Variants in MAST3 observed in about 807,000 individuals in gnomAD.
MAST3 encodes the protein microtubule-associated serine/threonine-protein kinase 3.
In MAST3, 43 loss-of-function variants were observed where a neutral mutation model predicts 127.0. That is an observed-to-expected ratio of 0.34 (90% CI 0.27 to 0.44). The LOEUF (loss-of-function observed/expected upper bound fraction) is 0.44, where lower values mean the gene tolerates loss of function less well. Among genes scored for constraint, MAST3 ranks in the 20% least tolerant of loss-of-function variants. MAST3 has a pLI of 1.00. For synonymous variants in MAST3, 785 were observed against 809.2 expected (o/e 0.97, Z 0.51); for missense variants, 1,390 against 1,919.1 (o/e 0.72, Z 5.15).
At chr19:18,117,262 A>C (rs2039376517) in intron 3 of MAST3, among the ~76,000 whole-genome samples, 1 of 152,228 alleles carries the variant, frequency 6.6e-6, no homozygotes, top group Non-Finnish European at 1.5e-5. Flanking sequence ...GATATGGAAC[A>C]TATACCAGGT....
rs1410870935 is a variant in MAST3 at position 18,097,782 on chromosome 19, A to C, written c.-11A>C. 8.2e-7 allele frequency: 1 copy of C among 1,213,254 alleles called. No individual in the cohort carries two copies. The highest frequency in any genetic ancestry group is 1.6e-5 in the African/African-American group (1 of 62,240). 75.2% of individuals were successfully genotyped at this position (1,213,254 alleles called of 1,614,324 possible). ...GCCGGGGGCGGGCCTGGCGGCGCGGACTCCCGGGCCATGGACGAGTCGAGC... is the reference window on the plus strand; with the variant it reads ...GCCGGGGGCGGGCCTGGCGGCGCGGCCTCCCGGGCCATGGACGAGTCGAGC... On this transcript the variant is annotated 5_prime_UTR_variant, in exon 1 of 28. Transcript: ENST00000687212.
At chr19:18,108,465 C>T (rs1413386866) in intron 2 of MAST3, among the ~76,000 whole-genome samples, 1 of 151,852 alleles carries the variant, frequency 6.6e-6, no homozygotes, top group Non-Finnish European at 1.5e-5. Context: ...CCACTGCCTC[C>T]CAGGTTCAAG....
Position 18,145,288 on chromosome 19 carries a change from G to A in MAST3, c.3039+59G>A, listed in dbSNP as rs544856858. On this transcript the variant is annotated intron_variant, in intron 24 of 27. Transcript: ENST00000687212. The surrounding 1 kb of genome is among the most constrained non-coding windows in gnomAD (Gnocchi z 5.9). ...TTCTAGTTTGACTCTGCCCGGTCAT[G>A]TCCCTTCTCAGAGCTGCATTTTGGA... 38 of 1,530,014 alleles carry A rather than the reference G, an allele frequency of 2.5e-5. No individual in the cohort carries two copies. In the East Asian group the frequency reaches 3.8e-4, roughly 15 times the overall value. 94.8% of individuals were successfully genotyped at this position (1,530,014 alleles called of 1,614,324 possible).
At chr19:18,124,187 G>A (rs370662509) in intron 9 of MAST3, 39 bp downstream of exon 9, 1 of 1,593,364 alleles carries the variant, frequency 6.3e-7, no homozygotes, top group Admixed American at 1.8e-5. Context: ...TGCATGCAGT[G>A]GGACGTGGAG....
In MAST3 at chr19:18,145,887, C is replaced by A. The variant is rs78365587; in HGVS notation, c.3162+22C>A. On this transcript the variant is annotated intron_variant, in intron 25 of 27. Transcript: ENST00000687212. The surrounding 1 kb of genome is among the most constrained non-coding windows in gnomAD (Gnocchi z 5.9). ...GAAGGTGCGGCACCCCCACTGCCCA[C>A]CCTCAGGGCTCCCCAGCACCCCTTG... The A allele has an allele frequency of 8.5e-4, 1,340 of 1,568,726 alleles. 8 individuals are homozygous for A. The African/African-American group carries it at 0.016, about 19-fold the overall frequency.
intron 3 of MAST3, among the ~76,000 whole-genome samples, chr19:18,113,335 G>C (rs1030648043): frequency 1.3e-5 from 2 of 151,950 alleles, no homozygotes; most frequent in Non-Finnish European, 2.9e-5. Context: ...CCCAGGCTGG[G>C]GTGCAGTGGT....
chr19:18,120,590 G>T (rs2039851226), intron 3 of MAST3, among the ~76,000 whole-genome samples: 1 of 152,204 alleles, frequency 6.6e-6, no homozygotes, highest in Non-Finnish European at 1.5e-5. Context: ...AGGCTGGAAT[G>T]CAATGGCACT....
chr19:18,144,814 A>G lies in MAST3; in HGVS notation c.2812+121A>G, dbSNP rs2042864982. 1 of 1,114,058 alleles carries G rather than the reference A, an allele frequency of 9.0e-7. No homozygotes were observed. Among genetic ancestry groups the G allele is most frequent in the Non-Finnish European group, 1.3e-6 (1 of 755,470 alleles). The allele number at this position is 1,114,058 out of a possible 1,614,324, so 69.0% of individuals were successfully genotyped here. A position where few individuals can be genotyped will look rare whatever the true frequency, so the allele number is the denominator to read the frequency against. On this transcript the variant is annotated intron_variant, in intron 23 of 27. Transcript: ENST00000687212. The surrounding 1 kb of genome is among the most constrained non-coding windows in gnomAD (Gnocchi z 4.0). ...CCCAGAAGAGGGGAGGAGGAGTAGGACACATGGAGAGCTGGGGAGATGGTG... is the reference window on the plus strand; with the variant it reads ...CCCAGAAGAGGGGAGGAGGAGTAGGGCACATGGAGAGCTGGGGAGATGGTG...
At chr19:18,141,131 A>G (rs984251569) in intron 20 of MAST3, among the ~76,000 whole-genome samples, 1 of 151,982 alleles carries the variant, frequency 6.6e-6, no homozygotes. Flanking sequence ...CTTAACTTAC[A>G]TTCCCTACTT....
chr19:18,149,450 G>T lies in MAST3; in HGVS notation c.3768G>T (p.Leu1256=). ...HPPAPARSPR[L]RRGQSADKLG... ...CCGCACCTGCCCGATCCCCGCGGCTGCGCCGGGGCCAGTCAGCTGACAAGC... is the reference window on the plus strand; with the variant it reads ...CCGCACCTGCCCGATCCCCGCGGCTTCGCCGGGGCCAGTCAGCTGACAAGC... The change falls in exon 28 of 28, where the codon CTG becomes CTT. Residue 1256 remains leucine, a synonymous_variant. Coordinates refer to ENST00000687212, the MANE Select transcript of MAST3 (RefSeq NM_001393504.1). This position sits in a 1 kb window ranked among gnomAD's most constrained non-coding sequence, Gnocchi z 5.9. The T allele has an allele frequency of 6.5e-7, 1 of 1,531,656 alleles. No individual in the cohort carries two copies. Among genetic ancestry groups the T allele is most frequent in the Non-Finnish European group, 8.8e-7 (1 of 1,141,042 alleles). The allele number at this position is 1,531,656 out of a possible 1,614,324, so 94.9% of individuals were successfully genotyped here.
rs756123445 is a variant in MAST3, at chr19:18,137,222, G to GC, written c.1973-16dup. ...GTGAGGTGAGGACCTGCAGGGCTCA[G>GC]CGGGGCATATCTGCAGGTGGCACCC... On this transcript the variant is annotated splice_polypyrimidine_tract_variant and intron_variant, in intron 18 of 27. Transcript: ENST00000687212. 1.1e-5 allele frequency: 18 copies of GC among 1,604,412 alleles called. 1 individual carries two copies. Among genetic ancestry groups the GC allele is most frequent in the Non-Finnish European group, 1.4e-5 (17 of 1,174,646 alleles).
rs1278541446 is a variant in MAST3 at position 18,149,487 on chromosome 19, G to A, written c.3805G>A (p.Glu1269Lys). Residue 1269 changes from glutamate (E) to lysine (K), a missense_variant, in exon 28 of 28, where the codon GAG becomes AAG. By Grantham distance (56) the Glu-to-Lys change is moderately conservative. Coordinates refer to ENST00000687212, the MANE Select transcript of MAST3 (RefSeq NM_001393504.1). This position sits in a 1 kb window ranked among gnomAD's most constrained non-coding sequence, Gnocchi z 5.9. ...GQSADKLGTGERLDGEAGRRT... is the reference protein window; with the variant it reads ...GQSADKLGTGKRLDGEAGRRT... Reference sequence around the variant, plus strand: ...GTCAGCTGACAAGCTGGGCACAGGGGAGCGGCTGGATGGGGAGGCGGGGCG... The same window carrying A: ...GTCAGCTGACAAGCTGGGCACAGGGAAGCGGCTGGATGGGGAGGCGGGGCG... 4 of 1,545,150 alleles carry A rather than the reference G, an allele frequency of 2.6e-6. No homozygotes were observed. The Admixed American group carries it at 5.9e-5, about 23-fold the overall frequency.
chr19:18,113,351 C>T (rs2038867354), intron 3 of MAST3, among the ~76,000 whole-genome samples: 4 of 151,898 alleles, frequency 2.6e-5, no homozygotes, highest in Admixed American at 2.6e-4. Flanking sequence ...GTGGTGTGAT[C>T]TCTGCTTACT....
At chr19:18,124,937 C>CCCT (rs745992543) in intron 11 of MAST3, among the ~76,000 whole-genome samples, 163 bp downstream of exon 11, 2 of 139,264 alleles carry the variant, frequency 1.4e-5, no homozygotes, top group Admixed American at 7.2e-5. Flanking sequence ...GGAAACCCCC[C>CCCT]CCCTACTAAA....
chr19:18,111,523 C>T (rs1006363238), intron 3 of MAST3, among the ~76,000 whole-genome samples: 1 of 140,238 alleles, frequency 7.1e-6, no homozygotes, highest in Non-Finnish European at 1.5e-5. Context: ...TTAACTCTTT[C>T]CACAGACTTT....
intron 19 of MAST3, among the ~76,000 whole-genome samples, chr19:18,137,979 C>T (rs2042051044): frequency 6.6e-6 from 1 of 152,052 alleles, no homozygotes; most frequent in African/African-American, 2.4e-5. Context: ...CTGAGGTGGG[C>T]AGATCACCTG....
intron 13 of MAST3, among the ~76,000 whole-genome samples, chr19:18,129,922 C>CAAA (rs58948738): frequency 6.6e-4 from 77 of 116,626 alleles, no homozygotes; most frequent in East Asian, 1.9e-3. Flanking sequence ...GAGACCATCT[C>CAAA]AAAAAAAAAA....
rs772573289 is a variant in MAST3, at chr19:18,124,612, C to T, written c.946-30C>T. On this transcript the variant is annotated intron_variant, in intron 10 of 27. Coordinates refer to ENST00000687212, the MANE Select transcript of MAST3 (RefSeq NM_001393504.1). ...CAGAGGCCTGCAGGTGGAACCAAGC[C>T]CTGGGTGACCAGCCCTCCTGTGCCC... 155 of 1,538,012 alleles carry T rather than the reference C, an allele frequency of 1.0e-4. 2 individuals carry two copies. The highest frequency in any genetic ancestry group is 3.4e-4 in the Middle Eastern group (2 of 5,892).
At chr19:18,116,518 C>G (rs2039277099) in intron 3 of MAST3, among the ~76,000 whole-genome samples, 1 of 148,988 alleles carries the variant, frequency 6.7e-6, no homozygotes, top group South Asian at 2.2e-4. Context: ...TGGTCTCAAA[C>G]TCCTGACCTC....
Sources: allele counts gnomAD v4.1 joint callset (sites outside exome capture counted in the v4.1 genomes callset), GRCh38; gene constraint gnomAD v4.1.1; non-coding constraint Gnocchi (gnomAD v3.1); transcripts MANE v1.5; gene names NCBI Gene and HGNC (gene_info 2026-07-23, HGNC 2026-07-21).